CMSS1: variants seen among roughly 807,000 people sequenced by gnomAD.
CMSS1 encodes cms1 ribosomal small subunit homolog, also known as protein CMSS1.
CMSS1 carries 33 observed loss-of-function variants against 43.5 expected under a neutral mutation model. That is an observed-to-expected ratio of 0.76 (90% CI 0.57 to 1.01). The LOEUF (loss-of-function observed/expected upper bound fraction) is 1.01. Ranked by LOEUF, CMSS1 falls within the 50% of genes least tolerant of loss-of-function variation. CMSS1 has a pLI of 0.00. For synonymous variants in CMSS1, 115 were observed against 117.2 expected (o/e 0.98, Z 0.12); for missense variants, 313 against 326.4 (o/e 0.96, Z 0.32).
chr3:99,826,009 C>T (rs958586130), intron 1 of CMSS1, among the ~76,000 whole-genome samples: 2 of 151,948 alleles, frequency 1.3e-5, no homozygotes, highest in African/African-American at 4.8e-5. Context: ...ATCTCCTGTC[C>T]TCATGATCCG....
rs911634747 is a variant in CMSS1, at chr3:99,936,908, A to G, written c.64+118865A>G. On this transcript the variant is annotated intron_variant, in intron 1 of 9. Transcript: ENST00000421999. ...TACTATGTCAAGTATTGTGCTACGC[A>G]ATTTTGTTTTAACTAGCTTATTTTC... 2.6e-5 allele frequency among the ~76,000 whole-genome samples: 4 copies of G among 152,180 alleles called. 1 individual carries two copies. Among genetic ancestry groups the G allele is most frequent in the Admixed American group, 2.6e-4 (4 of 15,278 alleles).
At chr3:100,031,299 T>C (rs2065017786) in intron 1 of CMSS1, among the ~76,000 whole-genome samples, 1 of 152,154 alleles carries the variant, frequency 6.6e-6, no homozygotes, top group South Asian at 2.1e-4. Flanking sequence ...CCTATCTCCA[T>C]AGGTTTAAAA....
intron 1 of CMSS1, chr3:99,925,786 C>T: frequency 2.2e-6 from 2 of 893,212 alleles, no homozygotes; most frequent in Non-Finnish European, 2.7e-6. Context: ...AAAGGAAGAA[C>T]CAGGCAGTAA....
chr3:99,841,923 A>G (rs1272761194), intron 1 of CMSS1, among the ~76,000 whole-genome samples: 7 of 152,218 alleles, frequency 4.6e-5, no homozygotes, highest in Non-Finnish European at 8.8e-5. Context: ...AACAGTGTGG[A>G]GATTCCTTAA....
Position 100,180,274 on chromosome 3 carries a change from A to G in CMSS1, c.*1886A>G, listed in dbSNP as rs1294676053. ...TATTAACATTTGGCTCCTCTTGTGC[A>G]AACTTCTGCAGTGAGCTTGAATTTC... On this transcript the variant is annotated 3_prime_UTR_variant, in exon 10 of 10. Transcript: ENST00000421999. 6.6e-6 allele frequency: 1 copy of G among 152,248 alleles called. No individual in the cohort carries two copies. The highest frequency in any genetic ancestry group is 1.5e-5 in the Non-Finnish European group (1 of 68,050). The allele number at this position is 152,248 out of a possible 1,614,324, so 9.4% of individuals were successfully genotyped here.
chr3:99,870,774 A>T (rs74432388), intron 1 of CMSS1, among the ~76,000 whole-genome samples: 449 of 152,356 alleles, frequency 2.9e-3, no homozygotes, highest in Middle Eastern at 6.8e-3. Flanking sequence ...TGGTTTACCC[A>T]CAGAAACTTT....
chr3:100,029,950 T>C (rs1273349122), intron 1 of CMSS1, among the ~76,000 whole-genome samples: 1 of 152,174 alleles, frequency 6.6e-6, no homozygotes, highest in Non-Finnish European at 1.5e-5. Flanking sequence ...AGGTGTGACA[T>C]GAGTGAGGAC....
chr3:100,088,626 C>A (rs1205448125), intron 1 of CMSS1, among the ~76,000 whole-genome samples: 2 of 152,040 alleles, frequency 1.3e-5, no homozygotes, highest in African/African-American at 4.8e-5. Flanking sequence ...ACATCAAGTT[C>A]TTGCACTTTC....
intron 9 of CMSS1, among the ~76,000 whole-genome samples, chr3:100,177,898 C>T (rs1938891519): frequency 6.6e-6 from 1 of 152,164 alleles, no homozygotes; most frequent in South Asian, 2.1e-4. Context: ...GCAGGTGGAT[C>T]ACTTGAGGCC....
chr3:100,040,010 TC>T (rs2065177399), intron 1 of CMSS1: 1 of 152,196 alleles, frequency 6.6e-6, no homozygotes, highest in Admixed American at 6.5e-5. Context: ...ACCTTGGCCT[TC>T]CAAAATGCTG....
chr3:99,898,536 G>T (rs1466582168), intron 1 of CMSS1: 1 of 152,980 alleles, frequency 6.5e-6, no homozygotes, highest in African/African-American at 2.4e-5. Context: ...GGAGGCCGAG[G>T]TGGGTGGATC....
At chr3:100,117,446 T>C (rs544566644) in intron 1 of CMSS1, among the ~76,000 whole-genome samples, 2 of 152,076 alleles carry the variant, frequency 1.3e-5, no homozygotes, top group South Asian at 4.1e-4. Flanking sequence ...TAGGGCTATA[T>C]GAGAAAAAAA....
At chr3:100,153,541 C>A (rs575929192) in intron 2 of CMSS1, among the ~76,000 whole-genome samples, 1 of 152,306 alleles carries the variant, frequency 6.6e-6, no homozygotes, top group South Asian at 2.1e-4. Flanking sequence ...TTGCAGATGG[C>A]CTTCTCACTA....
At chr3:100,076,492 T>TA (rs1475566541) in intron 1 of CMSS1, among the ~76,000 whole-genome samples, 1 of 152,252 alleles carries the variant, frequency 6.6e-6, no homozygotes, top group Non-Finnish European at 1.5e-5. Context: ...CTATTTCTGT[T>TA]ATATTGCAAA....
chr3:100,159,763 T>C (rs571425112), intron 2 of CMSS1: 2 of 306,078 alleles, frequency 6.5e-6, no homozygotes, highest in African/African-American at 2.2e-5. Flanking sequence ...AGGGTAAAAA[T>C]AGTACTAAAC....
intron 1 of CMSS1, among the ~76,000 whole-genome samples, chr3:100,060,799 G>T (rs1208061529): frequency 6.6e-6 from 1 of 152,142 alleles, no homozygotes; most frequent in African/African-American, 2.4e-5. Context: ...GGCGGAGGTT[G>T]CACTAAGCCA....
intron 1 of CMSS1, among the ~76,000 whole-genome samples, chr3:100,051,773 G>A (rs186192372): frequency 1.3e-5 from 2 of 150,778 alleles, no homozygotes; most frequent in African/African-American, 4.9e-5. Flanking sequence ...CATTTGGCTT[G>A]GTTCCAAGTC....
intron 1 of CMSS1, among the ~76,000 whole-genome samples, chr3:100,091,878 G>C (rs2066116528): frequency 6.6e-6 from 1 of 152,158 alleles, no homozygotes; most frequent in South Asian, 2.1e-4. Context: ...AATATTAATT[G>C]AAACTGTAAA....
At chr3:99,920,898 C>A (rs576523603) in intron 1 of CMSS1, among the ~76,000 whole-genome samples, 72 of 152,206 alleles carry the variant, frequency 4.7e-4, no homozygotes, top group African/African-American at 1.7e-3. Flanking sequence ...GTTTTATTTC[C>A]AGGTAGATAC....
Sources: gnomAD v4.1 joint callset for allele counts (sites outside exome capture counted in the v4.1 genomes callset) on GRCh38, gnomAD v4.1.1 for gene constraint, MANE v1.5 for transcripts, NCBI Gene and HGNC (gene_info 2026-07-23, HGNC 2026-07-21) for gene names.